The following VCL variants were observed in gnomAD, a reference collection of about 807,000 sequenced individuals.
VCL encodes the protein epididymis luminal protein 114.
In VCL, 47 loss-of-function variants were observed where a neutral mutation model predicts 125.7. That is an observed-to-expected ratio of 0.37 (90% CI 0.30 to 0.48). The LOEUF (loss-of-function observed/expected upper bound fraction) is 0.48. Among genes scored for constraint, VCL ranks in the 20% least tolerant of loss-of-function variants. The pLI is 0.99. For missense variants in VCL, 1,069 were observed against 1,455.5 expected, an observed-to-expected ratio of 0.73 and a Z score of 4.32; for synonymous variants, 458 against 514.6, an observed-to-expected ratio of 0.89 and a Z score of 1.49.
rs1369637958 is a variant in VCL, at chr10:74,094,319, C to T, written c.1401C>T (p.Ala467=). The stretch of plus-strand genomic sequence containing the variant: ...CTCGAGCCTTGGCCAAACAGGTGGC[C>T]ACGGCCCTGCAGAACCTGCAGACCA... ...PEARALAKQV[A]TALQNLQTKT... Residue 467 remains alanine, a synonymous_variant, in exon 11 of 22, where the codon GCC becomes GCT. Coordinates refer to ENST00000211998, the MANE Select transcript of VCL (RefSeq NM_014000.3). The T allele has an allele frequency of 2.5e-6, 4 of 1,613,988 alleles. No homozygotes were observed. The highest frequency in any genetic ancestry group is 2.5e-6 in the Non-Finnish European group (3 of 1,180,030).
intron 1 of VCL, among the ~76,000 whole-genome samples, chr10:74,007,088 G>A (rs1162462053): frequency 2.6e-5 from 4 of 151,986 alleles, no homozygotes; most frequent in Admixed American, 1.3e-4. Context: ...GCAGCCTCCC[G>A]AGTAGTTGGG....
chr10:74,105,912 C>T (rs374737714), intron 16 of VCL, among the ~76,000 whole-genome samples: 1,370 of 70,090 alleles, frequency 0.02, 45 homozygotes, highest in African/African-American at 0.075. Flanking sequence ...AACCTCTGCG[C>T]TTTTTTTTTT....
At chr10:74,116,643 G>A (rs1262476850) in intron 21 of VCL, among the ~76,000 whole-genome samples, 4 of 150,346 alleles carry the variant, frequency 2.7e-5, no homozygotes, top group African/African-American at 9.8e-5. Context: ...CCGAGATCGT[G>A]CCATTGCACT....
chr10:74,020,840 CAAAAA>C (rs567412270), intron 1 of VCL, among the ~76,000 whole-genome samples: 1 of 66,740 alleles, frequency 1.5e-5, no homozygotes, highest in Non-Finnish European at 2.7e-5. Flanking sequence ...GACCTTGTCT[CAAAAA>C]AAAAAAAAAA....
intron 7 of VCL, among the ~76,000 whole-genome samples, 160 bp from the exon 8 acceptor site, chr10:74,083,206 A>C (rs571169017): frequency 1.6e-4 from 25 of 152,324 alleles, no homozygotes; most frequent in African/African-American, 5.8e-4. Context: ...CCTATGGTTT[A>C]AGGGCACTGC....
chr10:74,115,387 G>GATAGATAA (rs1840295223), intron 21 of VCL, among the ~76,000 whole-genome samples: 2 of 150,292 alleles, frequency 1.3e-5, no homozygotes, highest in African/African-American at 4.9e-5. Flanking sequence ...AAAATAAATA[G>GATAGATAA]ATAAATAAAT....
chr10:74,053,247 TTTTG>T (rs1841338435), intron 2 of VCL, among the ~76,000 whole-genome samples: 1 of 152,068 alleles, frequency 6.6e-6, no homozygotes, highest in Non-Finnish European at 1.5e-5. Context: ...ACTCGCTCAG[TTTTG>T]TTTTATTATC....
rs147706595 is a variant in VCL, at chr10:74,062,404, C to T, written c.240-8266C>T. On this transcript the variant is annotated intron_variant, in intron 2 of 21. Coordinates refer to ENST00000211998, the MANE Select transcript of VCL (RefSeq NM_014000.3). ...TTTTTTTTGTAGAGATGGAGTCTTG[C>T]TATATTGCCCAGGCTGGCCTTGAAC... is the stretch of plus-strand genomic sequence containing the variant. Among the ~76,000 whole-genome samples, 849 of 130,204 alleles carry T rather than the reference C, an allele frequency of 6.5e-3. 9 individuals carry two copies. The highest frequency in any genetic ancestry group is 0.023 in the African/African-American group (763 of 33,842). 85.4% of individuals were successfully genotyped at this position (130,204 alleles called of 152,430 possible).
chr10:74,098,694 A>G (rs992607334), intron 13 of VCL, among the ~76,000 whole-genome samples: 9 of 152,224 alleles, frequency 5.9e-5, no homozygotes, highest in South Asian at 4.1e-4. Flanking sequence ...TACCCAAGAC[A>G]GTGTAGAACT....
At chr10:74,027,281 A>C (rs1055723181) in intron 1 of VCL, among the ~76,000 whole-genome samples, 1 of 151,900 alleles carries the variant, frequency 6.6e-6, no homozygotes, top group African/African-American at 2.4e-5. Context: ...TTCTGTTGGC[A>C]ATATTTAGCT....
intron 2 of VCL, among the ~76,000 whole-genome samples, chr10:74,043,980 G>A (rs12255404): frequency 0.032 from 4,908 of 151,780 alleles, 271 homozygotes; most frequent in African/African-American, 0.11. Flanking sequence ...GCGTGGTGGC[G>A]GGTGCCTGTA....
chr10:74,088,318 A>G (rs1039828604), intron 8 of VCL, among the ~76,000 whole-genome samples: 2 of 152,238 alleles, frequency 1.3e-5, no homozygotes, highest in African/African-American at 4.8e-5. Context: ...TTTTAGTAGT[A>G]ATAGCATATC....
chr10:74,000,508 A>T (rs1334657275), intron 1 of VCL, among the ~76,000 whole-genome samples: 1 of 152,122 alleles, frequency 6.6e-6, no homozygotes, highest in Non-Finnish European at 1.5e-5. Context: ...TCCTCCTCCC[A>T]GGTTCAAGTG....
At chr10:74,031,069 G>T (rs1178518136) in intron 1 of VCL, among the ~76,000 whole-genome samples, 1 of 152,158 alleles carries the variant, frequency 6.6e-6, no homozygotes, top group Admixed American at 6.6e-5. Context: ...AAGAAATAAG[G>T]AATTCTTGGT....
chr10:74,041,779 T>C (rs969932511), intron 1 of VCL, among the ~76,000 whole-genome samples: 4 of 151,132 alleles, frequency 2.6e-5, no homozygotes, highest in Non-Finnish European at 5.9e-5. Flanking sequence ...GGCACATGCC[T>C]GTAGTCCCAG....
rs182484788 is a variant in VCL, at chr10:74,078,824, A to G, written c.784-3630A>G. 1.3e-4 allele frequency among the ~76,000 whole-genome samples: 20 copies of G among 152,280 alleles called. No individual in the cohort carries two copies. The East Asian group carries it at 3.3e-3, about 25-fold the overall frequency. ...TCCAGAAACATCTTAAACCAGAAAC[A>G]TCTGGTTTAAAACATTGACTTGCAG... On this transcript the variant is annotated intron_variant, in intron 6 of 21. Coordinates refer to ENST00000211998, the MANE Select transcript of VCL (RefSeq NM_014000.3).
chr10:74,009,020 T>G (rs1840367796), intron 1 of VCL, among the ~76,000 whole-genome samples: 1 of 152,188 alleles, frequency 6.6e-6, no homozygotes, highest in African/African-American at 2.4e-5. Context: ...GGGGGAAAAT[T>G]CAAGTCTGTA....
intron 1 of VCL, among the ~76,000 whole-genome samples, chr10:74,009,228 C>A (rs187999797): frequency 1.5e-4 from 20 of 130,070 alleles, no homozygotes; most frequent in South Asian, 8.6e-4. Flanking sequence ...CCCCCCCCCC[C>A]CCGAGCCATT....
In VCL at chr10:74,074,854, T is replaced by C. The variant is rs779616187; in HGVS notation, c.734T>C (p.Ile245Thr). Residue 245 changes from isoleucine to threonine, a missense_variant, in exon 6 of 22, where the codon ATT (isoleucine) becomes ACT (threonine). Physicochemically the swap from Ile to Thr is moderately conservative, Grantham distance 89 (BLOSUM62 -1). Coordinates refer to ENST00000211998, the MANE Select transcript of VCL (RefSeq NM_014000.3). The part of the protein sequence containing the change: ...EKMSAEINEI[I>T]RVLQLTSWDE... Reference sequence around the variant, plus strand: ...ATGAGTGCTGAAATTAATGAGATAATTCGTGTGTTACAACTCACCTCTTGG... The same window carrying C: ...ATGAGTGCTGAAATTAATGAGATAACTCGTGTGTTACAACTCACCTCTTGG... 7 of 1,614,152 alleles carry C rather than the reference T, an allele frequency of 4.3e-6. No individual in the cohort carries two copies. Among genetic ancestry groups the C allele is most frequent in the Non-Finnish European group, 5.9e-6 (7 of 1,180,020 alleles).
Sources: gnomAD v4.1 joint callset for allele counts (sites outside exome capture counted in the v4.1 genomes callset) on GRCh38, gnomAD v4.1.1 for gene constraint, MANE v1.5 for transcripts, NCBI Gene and HGNC (gene_info 2026-07-23, HGNC 2026-07-21) for gene names.